The following NFE2L3 variants were observed in gnomAD, a reference collection of about 807,000 sequenced individuals.
The protein encoded by NFE2L3 is nuclear factor erythroid 2-related factor 3.
NFE2L3 carries 18 observed loss-of-function variants against 23.5 expected under a neutral mutation model. The observed-to-expected ratio is 0.77, with a 90% confidence interval of 0.53 to 1.13. NFE2L3 has a LOEUF of 1.13. Ranked by LOEUF, NFE2L3 falls within the 50% of genes most tolerant of loss-of-function variation. The probability of loss-of-function intolerance (pLI) is 0.00; values close to 1 mark genes in which losing one functional copy is unlikely to be tolerated. For synonymous variants in NFE2L3, 424 were observed against 354.5 expected (o/e 1.20, Z -2.20); for missense variants, 1,152 against 877.2 (o/e 1.31, Z -3.96).
At chr7:26,174,739 T>C (rs1784373298) in intron 1 of NFE2L3, 1 of 152,228 alleles carries the variant, frequency 6.6e-6, no homozygotes, top group Non-Finnish European at 1.5e-5. Flanking sequence ...AAAAATGTTT[T>C]TCTGTGGTTT....
chr7:26,186,370 T>C lies in NFE2L3; in HGVS notation c.*587T>C, dbSNP rs897021155. 6.6e-6 allele frequency: 1 copy of C among 152,248 alleles called. No homozygotes were observed. Among genetic ancestry groups the C allele is most frequent in the Non-Finnish European group, 1.5e-5 (1 of 68,084 alleles). 9.4% of individuals were successfully genotyped at this position (152,248 alleles called of 1,614,324 possible). A position where few individuals can be genotyped will look rare whatever the true frequency, so the allele number is the denominator to read the frequency against. ...TCCAAAATATCCACATTCAGGAATA[T>C]AGGTGAATAACAAATAAGGCAGCAT... On this transcript the variant is annotated 3_prime_UTR_variant, in exon 4 of 4. Coordinates refer to ENST00000056233, the MANE Select transcript of NFE2L3 (RefSeq NM_004289.7).
chr7:26,165,439 G>T (rs991338206), intron 1 of NFE2L3, among the ~76,000 whole-genome samples: 1 of 152,044 alleles, frequency 6.6e-6, no homozygotes, highest in African/African-American at 2.4e-5. Context: ...CTCATGATTT[G>T]GCTCTGTTTG....
chr7:26,180,041 C>CTGA (rs1364614129), intron 2 of NFE2L3, among the ~76,000 whole-genome samples: 4 of 152,172 alleles, frequency 2.6e-5, no homozygotes, highest in Non-Finnish European at 4.4e-5. Context: ...TCAGGTGGCC[C>CTGA]TCTCAACCAT....
chr7:26,176,739 A>G (rs28651641), intron 1 of NFE2L3, among the ~76,000 whole-genome samples: 10 of 46,594 alleles, frequency 2.1e-4, no homozygotes, highest in East Asian at 1.4e-3. Flanking sequence ...GACGATGGGC[A>G]GCCGGGCAGA....
Position 26,185,475 on chromosome 7 carries a change from C to T in NFE2L3, c.1777C>T (p.Gln593Ter), listed in dbSNP as rs1323050361. The T allele has an allele frequency of 3.7e-6, 6 of 1,613,866 alleles. No individual in the cohort carries two copies. Among genetic ancestry groups the T allele is most frequent in the Non-Finnish European group, 5.1e-6 (6 of 1,179,914 alleles). The change falls in exon 4 of 4, where the codon CAG (glutamine) becomes TAG (stop). Residue 593 changes from glutamine to a stop codon, truncating the protein, a stop_gained. Coordinates refer to ENST00000056233, the MANE Select transcript of NFE2L3 (RefSeq NM_004289.7). LOFTEE classifies it low-confidence loss of function (END_TRUNC). ...AAGAGGGAAAAATAAAGTTGCTGCG[C>T]AGAACTGTCGTAAACGCAAATTGGA... is the stretch of plus-strand genomic sequence containing the variant. ...RRRGKNKVAAQNCRKRKLDII... is the reference protein window; with the variant it reads ...RRRGKNKVAA
In NFE2L3 at chr7:26,175,217, G is replaced by A. The variant is rs12666260; in HGVS notation, c.571-2726G>A. Among the ~76,000 whole-genome samples, 94 of 149,482 alleles carry A rather than the reference G, an allele frequency of 6.3e-4. No homozygotes were observed. The East Asian group carries it at 0.017, about 26-fold the overall frequency. On this transcript the variant is annotated intron_variant, in intron 1 of 3. Transcript: ENST00000056233. ...CAAAAAAAAAAAAAAAAAAATAGCT[G>A]GGCGTGGTGGCAGGCACCTGTAGTC...
chr7:26,175,881 T>C (rs1784396385), intron 1 of NFE2L3, among the ~76,000 whole-genome samples: 2 of 150,262 alleles, frequency 1.3e-5, no homozygotes, highest in South Asian at 4.2e-4. Flanking sequence ...TTAGTATTTA[T>C]TGATCATTCT....
chr7:26,170,413 G>A (rs780327982), intron 1 of NFE2L3, among the ~76,000 whole-genome samples: 1 of 152,048 alleles, frequency 6.6e-6, no homozygotes, highest in Admixed American at 6.6e-5. Flanking sequence ...TCCTATGTAC[G>A]CTGATACCTG....
intron 1 of NFE2L3, among the ~76,000 whole-genome samples, chr7:26,173,128 T>A (rs1784351032): frequency 6.6e-6 from 1 of 152,220 alleles, no homozygotes; most frequent in African/African-American, 2.4e-5. Context: ...ATATTATACC[T>A]AATTTTGGCT....
intron 1 of NFE2L3, chr7:26,174,403 T>C (rs1317594361): frequency 6.6e-6 from 1 of 152,176 alleles, no homozygotes; most frequent in Non-Finnish European, 1.5e-5. Flanking sequence ...GGTATTTGTG[T>C]ATGATAGTAG....
chr7:26,170,244 C>A (rs1207371169), intron 1 of NFE2L3, among the ~76,000 whole-genome samples: 1 of 152,128 alleles, frequency 6.6e-6, no homozygotes, highest in East Asian at 1.9e-4. Context: ...CTCTCCCTAC[C>A]CGGCTAAAGA....
At chr7:26,173,000 A>G (rs1257559495) in intron 1 of NFE2L3, among the ~76,000 whole-genome samples, 1 of 152,048 alleles carries the variant, frequency 6.6e-6, no homozygotes, top group Non-Finnish European at 1.5e-5. Context: ...TATATTTATT[A>G]TTTGTATTCT....
chr7:26,168,885 A>G (rs1784295208), intron 1 of NFE2L3, among the ~76,000 whole-genome samples: 1 of 152,156 alleles, frequency 6.6e-6, no homozygotes, highest in Admixed American at 6.5e-5. Context: ...TAAAATATGA[A>G]TTAGATATTA....
At position 26,186,651 on chromosome 7, in the gene NFE2L3, C is replaced by G. The variant is rs1310095895; in HGVS notation, c.*868C>G. ...TAAAATCTCTGGCAGTAAAGCCAGC[C>G]TGAAGGGATGGCCTCACCATCTTAG... On this transcript the variant is annotated 3_prime_UTR_variant, in exon 4 of 4. Coordinates refer to ENST00000056233, the MANE Select transcript of NFE2L3 (RefSeq NM_004289.7). 1.3e-5 allele frequency: 2 copies of G among 152,194 alleles called. No homozygotes were observed. Among genetic ancestry groups the G allele is most frequent in the East Asian group, 3.8e-4 (2 of 5,196 alleles). The allele number at this position is 152,194 out of a possible 1,614,324, so 9.4% of individuals were successfully genotyped here.
At chr7:26,165,204 A>G (rs1444933669) in intron 1 of NFE2L3, among the ~76,000 whole-genome samples, 3 of 152,182 alleles carry the variant, frequency 2.0e-5, no homozygotes, top group African/African-American at 7.2e-5. Context: ...TGGTAGCTTG[A>G]TGGGGATGGC....
chr7:26,177,548 G>C (rs1221035682), intron 1 of NFE2L3, among the ~76,000 whole-genome samples: 1 of 152,262 alleles, frequency 6.6e-6, no homozygotes, highest in East Asian at 1.9e-4. Flanking sequence ...AGCGAGCCAA[G>C]ATCACGGCAG....
In NFE2L3 at chr7:26,186,035, G is replaced by A. The variant is rs1782477496; in HGVS notation, c.*252G>A. The A allele has an allele frequency of 3.1e-6, 1 of 325,916 alleles. No individual in the cohort carries two copies. The highest frequency in any genetic ancestry group is 5.6e-6 in the Non-Finnish European group (1 of 179,490). The allele number at this position is 325,916 out of a possible 1,614,324, so 20.2% of individuals were successfully genotyped here. On this transcript the variant is annotated 3_prime_UTR_variant, in exon 4 of 4. Transcript: ENST00000056233. ...TACAAAATTCATAGTTATGTCCAAA[G>A]AATAGGTTAACATGAAAACCCAGTA...
In NFE2L3 at chr7:26,185,609, ACTG is replaced by A; in HGVS notation, c.1913_1915del (p.Leu638del). The A allele has an allele frequency of 6.2e-7, 1 of 1,613,778 alleles. No homozygotes were observed. The highest frequency in any genetic ancestry group is 8.5e-7 in the Non-Finnish European group (1 of 1,179,800). ...AAGCTATTAACATAATGAAACAGAA[ACTG>A]CATGACCTTTATCATGATATTTTTA... is the stretch of plus-strand genomic sequence containing the variant. On this transcript the variant is annotated inframe_deletion, in exon 4 of 4. Transcript: ENST00000056233.
intron 1 of NFE2L3, among the ~76,000 whole-genome samples, chr7:26,153,696 A>T (rs1450808406): frequency 6.6e-6 from 1 of 152,228 alleles, no homozygotes; most frequent in Non-Finnish European, 1.5e-5. Flanking sequence ...TAACGAAAAC[A>T]GGTACCTTGG....
Sources: allele counts gnomAD v4.1 joint callset (sites outside exome capture counted in the v4.1 genomes callset), GRCh38; gene constraint gnomAD v4.1.1; transcripts MANE v1.5; gene names NCBI Gene and HGNC (gene_info 2026-07-23, HGNC 2026-07-21).